Variants in MAP3K1 observed in about 807,000 individuals in gnomAD.
MAP3K1 encodes MAP/ERK kinase kinase 1.
A neutral mutation model predicts 144.2 loss-of-function variants in MAP3K1; 36 were observed. The observed-to-expected ratio is 0.25, with a 90% CI of 0.19 to 0.33. The LOEUF is 0.33. MAP3K1 is among the 10% of genes least tolerant of loss of function. The probability of loss-of-function intolerance (pLI) is 1.00; values close to 1 mark genes in which losing one functional copy is unlikely to be tolerated. For synonymous variants in MAP3K1, 718 were observed against 688.7 expected (o/e 1.04, Z -0.67); for missense variants, 1,650 against 1,881.9 (o/e 0.88, Z 2.28).
chr5:56,836,568 G>A (rs917037201), intron 1 of MAP3K1, among the ~76,000 whole-genome samples: 2 of 152,118 alleles, frequency 1.3e-5, no homozygotes, highest in Admixed American at 6.5e-5. Flanking sequence ...GCATTTGTGC[G>A]GTTTATCTTG....
In MAP3K1 at chr5:56,835,392, G is replaced by GTT. The variant is rs1177769769; in HGVS notation, c.482+19337_482+19338insTT. ...AGAGGAGACAGGAAGGCAGGGAAGA[G>GTT]GAGACAAGGAGGCAGGGAAGAGTTG... On this transcript the variant is annotated intron_variant, in intron 1 of 19. Transcript: ENST00000399503. 3.5e-4 allele frequency among the ~76,000 whole-genome samples: 45 copies of GTT among 129,914 alleles called. 1 individual carries two copies. The highest frequency in any genetic ancestry group is 1.5e-3 in the African/African-American group (44 of 30,262). The allele number at this position is 129,914 out of a possible 152,430, so 85.2% of individuals were successfully genotyped here. A position where few individuals can be genotyped will look rare whatever the true frequency, so the allele number is the denominator to read the frequency against.
intron 3 of MAP3K1, among the ~76,000 whole-genome samples, chr5:56,860,565 A>C (rs1024823896): frequency 1.3e-5 from 2 of 152,304 alleles, no homozygotes; most frequent in South Asian, 4.1e-4. Flanking sequence ...AAGGAAAGCA[A>C]CTTAAGGCTG....
chr5:56,820,476 A>G (rs185534377), intron 1 of MAP3K1: 13 of 984,414 alleles, frequency 1.3e-5, no homozygotes, highest in South Asian at 9.4e-5. Flanking sequence ...GTTAATGTAT[A>G]TAATAGGTAT....
At chr5:56,843,347 C>T (rs578224997) in intron 1 of MAP3K1, among the ~76,000 whole-genome samples, 2 of 152,336 alleles carry the variant, frequency 1.3e-5, no homozygotes, top group East Asian at 1.9e-4. Flanking sequence ...CTGCTTCACC[C>T]ACCAGTCCTG....
chr5:56,839,720 G>A (rs1215732603), intron 1 of MAP3K1, among the ~76,000 whole-genome samples: 2 of 152,122 alleles, frequency 1.3e-5, no homozygotes, highest in African/African-American at 4.8e-5. Flanking sequence ...CCCCAAAGAT[G>A]TGCACGTTAG....
chr5:56,844,239 G>T (rs1746915298), intron 1 of MAP3K1, among the ~76,000 whole-genome samples: 1 of 134,250 alleles, frequency 7.4e-6, no homozygotes. Flanking sequence ...GCCCAGGCTG[G>T]AGGGATCTCA....
chr5:56,859,947 T>A (rs754181821), intron 3 of MAP3K1, 32 bp downstream of exon 3: 3 of 1,513,218 alleles, frequency 2.0e-6, no homozygotes, highest in Non-Finnish European at 2.7e-6. Context: ...TATGTTAGTT[T>A]TTATAATTTT....
intron 3 of MAP3K1, among the ~76,000 whole-genome samples, chr5:56,860,805 A>T (rs573374734): frequency 6.6e-6 from 1 of 152,128 alleles, no homozygotes; most frequent in South Asian, 2.1e-4. Flanking sequence ...GTGAGCCTAG[A>T]TTACACCATT....
chr5:56,823,536 G>A (rs1234130322), intron 1 of MAP3K1, among the ~76,000 whole-genome samples: 1 of 152,172 alleles, frequency 6.6e-6, no homozygotes, highest in Non-Finnish European at 1.5e-5. Context: ...CCTGGCATAG[G>A]GTAGACACTG....
At chr5:56,883,495 C>T in intron 14 of MAP3K1, 32 bp from the exon 15 acceptor site, 1 of 1,606,602 alleles carries the variant, frequency 6.2e-7, no homozygotes, top group South Asian at 1.1e-5. Flanking sequence ...ACTCCTTTAA[C>T]AGTAAAAAGA....
chr5:56,855,599 G>T (rs369259295), intron 1 of MAP3K1, among the ~76,000 whole-genome samples: 1 of 152,114 alleles, frequency 6.6e-6, no homozygotes, highest in South Asian at 2.1e-4. Flanking sequence ...ATTCTCTGAA[G>T]ATCGTACTTC....
intron 1 of MAP3K1, among the ~76,000 whole-genome samples, chr5:56,855,468 C>T (rs1302196322): frequency 1.3e-5 from 2 of 152,182 alleles, no homozygotes; most frequent in Non-Finnish European, 2.9e-5. Context: ...GTTGCTGATA[C>T]AAAGATGTTT....
rs930280478 is a variant in MAP3K1 at position 56,879,213 on chromosome 5, C to T, written c.2087+112C>T. 3.8e-6 allele frequency: 5 copies of T among 1,330,652 alleles called. No homozygotes were observed. In the African/African-American group the frequency reaches 5.8e-5, roughly 15 times the overall value. 82.4% of individuals were successfully genotyped at this position (1,330,652 alleles called of 1,614,324 possible). Reference sequence around the variant, plus strand: ...ACATTTTATTAAATGAGTCTTTGAACATTGTCTTTTAATGTGAGATTTAAA... The same window carrying T: ...ACATTTTATTAAATGAGTCTTTGAATATTGTCTTTTAATGTGAGATTTAAA... On this transcript the variant is annotated intron_variant, in intron 11 of 19. Transcript: ENST00000399503.
intron 1 of MAP3K1, among the ~76,000 whole-genome samples, chr5:56,830,395 CTCTT>C (rs1423817399): frequency 6.6e-6 from 1 of 152,100 alleles, no homozygotes; most frequent in Non-Finnish European, 1.5e-5. Flanking sequence ...CTTTCCCTCT[CTCTT>C]TCTTAAACAC....
intron 3 of MAP3K1, among the ~76,000 whole-genome samples, chr5:56,861,143 AC>A (rs1266221067): frequency 2.0e-5 from 3 of 152,218 alleles, no homozygotes; most frequent in African/African-American, 7.2e-5. Flanking sequence ...GGTAAAAGAT[AC>A]ATTCAAAGTG....
intron 6 of MAP3K1, among the ~76,000 whole-genome samples, chr5:56,869,972 G>A (rs1747801795): frequency 6.6e-6 from 1 of 152,110 alleles, no homozygotes; most frequent in Non-Finnish European, 1.5e-5. Context: ...CAGGAATCAC[G>A]CATTATGACT....
intron 19 of MAP3K1, among the ~76,000 whole-genome samples, chr5:56,893,164 T>C (rs758032136): frequency 5.3e-5 from 8 of 152,132 alleles, no homozygotes; most frequent in Non-Finnish European, 1.2e-4. Flanking sequence ...GCTGAAGAAA[T>C]AGAAAACGTG....
chr5:56,846,995 ACATTT>A lies in MAP3K1; in HGVS notation c.483-9603_483-9599del, dbSNP rs1747017908. 9.6e-5 allele frequency among the ~76,000 whole-genome samples: 12 copies of A among 124,514 alleles called. No individual in the cohort carries two copies. The South Asian group carries it at 4.7e-3, about 49-fold the overall frequency. The allele number at this position is 124,514 out of a possible 152,430, so 81.7% of individuals were successfully genotyped here. A position where few individuals can be genotyped will look rare whatever the true frequency, so the allele number is the denominator to read the frequency against. ...TAGTTTTTAATGGAATCTGCCAGCTACATTTCTGAGAGACATGAGTGTGCCAAAGA... is the reference window on the plus strand; with the variant it reads ...TAGTTTTTAATGGAATCTGCCAGCTACTGAGAGACATGAGTGTGCCAAAGA... On this transcript the variant is annotated intron_variant, in intron 1 of 19. Coordinates refer to ENST00000399503, the MANE Select transcript of MAP3K1 (RefSeq NM_005921.2).
Position 56,895,704 on chromosome 5 carries a change from G to A in MAP3K1, c.*2024G>A, listed in dbSNP as rs896403698. ...GTTTTGTTTTCAATGCAAATGTGATGTAATATTCTTATTTTCTTTGGATCA... is the reference window on the plus strand; with the variant it reads ...GTTTTGTTTTCAATGCAAATGTGATATAATATTCTTATTTTCTTTGGATCA... On this transcript the variant is annotated 3_prime_UTR_variant, in exon 20 of 20. Transcript: ENST00000399503. 2.2e-5 allele frequency: 5 copies of A among 232,166 alleles called. No individual in the cohort carries two copies. Among genetic ancestry groups the A allele is most frequent in the Non-Finnish European group, 4.3e-5 (5 of 117,466 alleles). The allele number at this position is 232,166 out of a possible 1,614,324, so 14.4% of individuals were successfully genotyped here. A position where few individuals can be genotyped will look rare whatever the true frequency, so the allele number is the denominator to read the frequency against.
Sources: gnomAD v4.1 joint callset for allele counts (sites outside exome capture counted in the v4.1 genomes callset) on GRCh38, gnomAD v4.1.1 for gene constraint, MANE v1.5 for transcripts, NCBI Gene and HGNC (gene_info 2026-07-23, HGNC 2026-07-21) for gene names.